DMD: variants seen among roughly 807,000 people sequenced by gnomAD.
The protein encoded by DMD is dystrophin, also known as mutant dystrophin.
DMD carries 63 observed loss-of-function variants against 330.1 expected under a neutral mutation model. That is an observed-to-expected ratio of 0.19 (90% CI 0.16 to 0.24). The LOEUF is 0.24. DMD is among the 10% of genes least tolerant of loss of function. The probability of loss-of-function intolerance (pLI) is 1.00; values close to 1 mark genes in which losing one functional copy is unlikely to be tolerated. For synonymous variants in DMD, 1,223 were observed against 959.8 expected (o/e 1.27, Z -5.07); for missense variants, 3,344 against 2,684.1 (o/e 1.25, Z -5.43).
At chrX:31,692,845 T>C (rs773653731) in intron 52 of DMD, among the ~76,000 whole-genome samples, 178 of 111,457 alleles carry the variant, frequency 1.6e-3, no homozygotes, top group African/African-American at 5.8e-3. Flanking sequence ...TCTACAAACA[T>C]TTAAAGAAGA....
At chrX:32,265,184 T>A (rs1375637020) in intron 43 of DMD, among the ~76,000 whole-genome samples, 1 of 111,701 alleles carries the variant, frequency 9.0e-6, no homozygotes, top group Admixed American at 9.4e-5. Flanking sequence ...GCCCCCCTGC[T>A]ATGTGCAGCC....
chrX:32,696,369 C>T (rs1304432266), intron 9 of DMD, among the ~76,000 whole-genome samples: 2 of 112,132 alleles, frequency 1.8e-5, no homozygotes, highest in African/African-American at 6.5e-5. Flanking sequence ...CATTCCCCAT[C>T]CCCCATCTCT....
At chrX:32,845,012 C>A (rs920771588) in intron 3 of DMD, 152 bp from the exon 4 acceptor site, 1 of 525,023 alleles carries the variant, frequency 1.9e-6, no homozygotes, top group African/African-American at 2.3e-5. Context: ...ATACTTTGCG[C>A]TAATTGTCCT....
chrX:32,901,096 T>C (rs1240029833), intron 2 of DMD, among the ~76,000 whole-genome samples: 2 of 111,561 alleles, frequency 1.8e-5, no homozygotes, highest in Non-Finnish European at 3.8e-5. Flanking sequence ...AGTAAAACTA[T>C]AGTTTTGATT....
chrX:31,395,376 A>T (rs1184531435), intron 60 of DMD, among the ~76,000 whole-genome samples: 1 of 112,288 alleles, frequency 8.9e-6, no homozygotes, highest in African/African-American at 3.2e-5. Flanking sequence ...TTTTAAATAA[A>T]GAGCCCCTAC....
chrX:32,415,479 A>C (rs112252458), intron 29 of DMD, among the ~76,000 whole-genome samples: 2,630 of 112,106 alleles, frequency 0.023, 79 homozygotes, highest in African/African-American at 0.082. Context: ...TCTATTTCTA[A>C]ACATCTGATT....
intron 62 of DMD, chrX:31,266,865 G>C (rs1246299114): frequency 3.3e-6 from 4 of 1,199,659 alleles, no homozygotes; most frequent in Non-Finnish European, 4.5e-6. Flanking sequence ...GTGGGTACGA[G>C]TGGAGGAGTG....
chrX:31,338,193 C>T (rs1044592548), intron 61 of DMD, among the ~76,000 whole-genome samples: 8 of 107,709 alleles, frequency 7.4e-5, no homozygotes, highest in African/African-American at 2.7e-4. Flanking sequence ...TGGCTGGGCG[C>T]GGTGGCTCAC....
At chrX:32,225,560 T>G in intron 43 of DMD, among the ~76,000 whole-genome samples, 1 of 111,783 alleles carries the variant, frequency 8.9e-6, no homozygotes, top group South Asian at 3.8e-4. Context: ...CCAAATCTCA[T>G]ATTAAATTGT....
At chrX:32,609,190 G>C (rs80289542) in intron 12 of DMD, among the ~76,000 whole-genome samples, 1 of 110,482 alleles carries the variant, frequency 9.1e-6, no homozygotes, top group East Asian at 2.8e-4. Context: ...TGTTGTCATT[G>C]CTTTCATTCA....
intron 27 of DMD, among the ~76,000 whole-genome samples, chrX:32,446,497 T>C (rs2098305537): frequency 9.1e-6 from 1 of 109,836 alleles, no homozygotes; most frequent in Non-Finnish European, 1.9e-5. Flanking sequence ...TTTCAATATG[T>C]AAAATCTGAA....
At chrX:33,056,868 GACA>G (rs2094524190) in intron 1 of DMD, among the ~76,000 whole-genome samples, 1 of 110,968 alleles carries the variant, frequency 9.0e-6, no homozygotes, top group African/African-American at 3.3e-5. Context: ...GTCTGTGACA[GACA>G]ACAAGATTGC....
intron 1 of DMD, among the ~76,000 whole-genome samples, chrX:33,105,134 AC>A (rs1359040514): frequency 8.9e-6 from 1 of 111,892 alleles, no homozygotes; most frequent in Non-Finnish European, 1.9e-5. Flanking sequence ...AATACTTAAA[AC>A]CAATTTACCT....
chrX:32,271,893 T>C (rs559955210), intron 43 of DMD, among the ~76,000 whole-genome samples: 1 of 112,100 alleles, frequency 8.9e-6, no homozygotes, highest in East Asian at 2.8e-4. Flanking sequence ...TACACTATGA[T>C]GGAAATGGAG....
chrX:32,715,314 T>G (rs1033020267), intron 7 of DMD, among the ~76,000 whole-genome samples: 1 of 108,820 alleles, frequency 9.2e-6, no homozygotes, highest in African/African-American at 3.4e-5. Context: ...CAATCACTAC[T>G]AAAAATTCAA....
intron 1 of DMD, among the ~76,000 whole-genome samples, chrX:33,227,464 A>G (rs1302033147): frequency 9.0e-6 from 1 of 111,302 alleles, no homozygotes; most frequent in Non-Finnish European, 1.9e-5. Flanking sequence ...AAGAATTGAT[A>G]AGAACAGAAG....
intron 29 of DMD, among the ~76,000 whole-genome samples, chrX:32,425,744 A>G: frequency 1.8e-5 from 2 of 111,529 alleles, no homozygotes; most frequent in Non-Finnish European, 3.8e-5. Flanking sequence ...AAACTATACT[A>G]CAGTGCTACA....
intron 34 of DMD, among the ~76,000 whole-genome samples, chrX:32,365,749 G>A (rs770108205): frequency 7.5e-4 from 84 of 111,880 alleles, no homozygotes; most frequent in African/African-American, 2.6e-3. Flanking sequence ...TTAAATATTT[G>A]TGATGTAGTA....
chrX:32,624,817 T>G (rs895592583), intron 11 of DMD, among the ~76,000 whole-genome samples: 2 of 112,281 alleles, frequency 1.8e-5, no homozygotes, highest in African/African-American at 3.2e-5. Flanking sequence ...TGAAAACGTA[T>G]CTGTATGAAC....
Sources: gnomAD v4.1 joint callset for allele counts (sites outside exome capture counted in the v4.1 genomes callset) on GRCh38, gnomAD v4.1.1 for gene constraint, MANE v1.5 for transcripts, NCBI Gene and HGNC (gene_info 2026-07-23, HGNC 2026-07-21) for gene names.